Variants in EPHA6 observed in about 807,000 individuals in gnomAD.
EPHA6 encodes the protein EPH receptor A6.
EPHA6 carries 50 observed loss-of-function variants against 112.0 expected under a neutral mutation model. The observed-to-expected ratio is 0.45, with a 90% CI of 0.36 to 0.56. The LOEUF (loss-of-function observed/expected upper bound fraction) is 0.56, where lower values mean the gene tolerates loss of function less well. Among genes scored for constraint, EPHA6 ranks in the 20% least tolerant of loss-of-function variants. The pLI is 0.00. For missense variants in EPHA6, 1,280 were observed against 1,417.4 expected, an observed-to-expected ratio of 0.90 and a Z score of 1.56; for synonymous variants, 529 against 490.7, an observed-to-expected ratio of 1.08 and a Z score of -1.03.
intron 14 of EPHA6, among the ~76,000 whole-genome samples, chr3:97,667,382 C>T (rs1015350830): frequency 4.6e-5 from 7 of 152,144 alleles, no homozygotes; most frequent in Non-Finnish European, 7.4e-5. Context: ...GATTCTTAAA[C>T]ATTTACAGTG....
At chr3:97,048,992 C>T (rs775999426) in intron 3 of EPHA6, among the ~76,000 whole-genome samples, 8 of 152,088 alleles carry the variant, frequency 5.3e-5, no homozygotes, top group Admixed American at 5.2e-4. Flanking sequence ...AGGGAGTCCC[C>T]TGGGATATTT....
chr3:96,862,763 G>A (rs2036081773), intron 1 of EPHA6, among the ~76,000 whole-genome samples: 1 of 151,752 alleles, frequency 6.6e-6, no homozygotes, highest in Admixed American at 6.6e-5. Context: ...AATATTTAAA[G>A]GCAAGAAGTT....
At chr3:97,679,322 T>G (rs2031668480) in intron 14 of EPHA6, among the ~76,000 whole-genome samples, 1 of 152,122 alleles carries the variant, frequency 6.6e-6, no homozygotes, top group Non-Finnish European at 1.5e-5. Flanking sequence ...CCACACACAG[T>G]CAGGTAGTTT....
At chr3:97,182,427 A>T (rs2077015096) in intron 3 of EPHA6, among the ~76,000 whole-genome samples, 1 of 151,460 alleles carries the variant, frequency 6.6e-6, no homozygotes, top group African/African-American at 2.4e-5. Context: ...GTATTGAAAA[A>T]TTTAAGAAAT....
At chr3:97,448,768 T>A (rs762472622) in intron 7 of EPHA6, 38 bp downstream of exon 7, 12 of 1,600,312 alleles carry the variant, frequency 7.5e-6, no homozygotes, top group African/African-American at 4.0e-5. Context: ...AGATGTGAAT[T>A]TAGTATCATT....
At chr3:97,114,359 C>A (rs924028677) in intron 3 of EPHA6, among the ~76,000 whole-genome samples, 1 of 152,020 alleles carries the variant, frequency 6.6e-6, no homozygotes, top group Non-Finnish European at 1.5e-5. Flanking sequence ...ATTTCACCAG[C>A]AAATATGGCT....
intron 3 of EPHA6, among the ~76,000 whole-genome samples, chr3:97,135,361 C>T (rs1355332031): frequency 6.6e-6 from 1 of 152,110 alleles, no homozygotes; most frequent in Non-Finnish European, 1.5e-5. Context: ...TGTATTTAAA[C>T]ATAGCTCCTG....
chr3:97,648,629 G>A (rs1310185215), intron 14 of EPHA6: 1 of 1,114,320 alleles, frequency 9.0e-7, no homozygotes, highest in Non-Finnish European at 1.1e-6. Context: ...TTCGTCTGGA[G>A]ATCATGCTTA....
Position 97,760,336 on chromosome 3 carries a change from A to G in EPHA6, c.*11635A>G. On this transcript the variant is annotated 3_prime_UTR_variant, in exon 18 of 18. Transcript: ENST00000389672. Reference sequence around the variant, plus strand: ...TGTGCTTGGTGCTTTGTTTCTGGAGATATATATATATATATTATATATATG... The same window carrying G: ...TGTGCTTGGTGCTTTGTTTCTGGAGGTATATATATATATATTATATATATG... 1 of 147,550 alleles carries G rather than the reference A, an allele frequency of 6.8e-6. No individual in the cohort carries two copies. Among genetic ancestry groups the G allele is most frequent in the East Asian group, 1.5e-4 (1 of 6,460 alleles). The allele number at this position is 147,550 out of a possible 1,614,324, so 9.1% of individuals were successfully genotyped here. A position where few individuals can be genotyped will look rare whatever the true frequency, so the allele number is the denominator to read the frequency against.
At chr3:96,820,720 A>G (rs1344179211) in intron 1 of EPHA6, among the ~76,000 whole-genome samples, 1 of 151,964 alleles carries the variant, frequency 6.6e-6, no homozygotes, top group Non-Finnish European at 1.5e-5. Flanking sequence ...GTTATTTCAA[A>G]CCATTGTACA....
intron 13 of EPHA6, among the ~76,000 whole-genome samples, chr3:97,624,952 T>TCTAGATA (rs1325570087): frequency 6.6e-6 from 1 of 151,566 alleles, no homozygotes; most frequent in East Asian, 1.9e-4. Flanking sequence ...TCTTGGTCAA[T>TCTAGATA]CTAGATAAAA....
intron 3 of EPHA6, among the ~76,000 whole-genome samples, chr3:97,181,680 A>G (rs1280204760): frequency 2.6e-5 from 4 of 152,110 alleles, no homozygotes; most frequent in Non-Finnish European, 5.9e-5. Context: ...GTTATCTAAA[A>G]TAGCTTATTT....
chr3:96,991,210 TAGAGATA>T (rs2043203814), intron 3 of EPHA6, among the ~76,000 whole-genome samples: 1 of 152,134 alleles, frequency 6.6e-6, no homozygotes, highest in African/African-American at 2.4e-5. Context: ...TCTTAAGTGG[TAGAGATA>T]AACATAAATA....
At chr3:97,688,254 G>T (rs2032396862) in intron 14 of EPHA6, among the ~76,000 whole-genome samples, 1 of 151,852 alleles carries the variant, frequency 6.6e-6, no homozygotes. Context: ...TCTGTTATTT[G>T]GTATGTAATT....
At chr3:97,128,482 C>T (rs1423226305) in intron 3 of EPHA6, among the ~76,000 whole-genome samples, 6 of 152,076 alleles carry the variant, frequency 3.9e-5, no homozygotes, top group Non-Finnish European at 8.8e-5. Flanking sequence ...TAGAAGCATT[C>T]TAAACTCTAG....
intron 1 of EPHA6, among the ~76,000 whole-genome samples, chr3:96,844,355 A>G (rs1391272629): frequency 6.6e-6 from 1 of 151,736 alleles, no homozygotes; most frequent in Non-Finnish European, 1.5e-5. Flanking sequence ...CCCCTGACTG[A>G]CTCTGTGACA....
chr3:96,911,461 A>G (rs1167928738), intron 2 of EPHA6, among the ~76,000 whole-genome samples: 1 of 152,078 alleles, frequency 6.6e-6, no homozygotes, highest in Non-Finnish European at 1.5e-5. Context: ...ATAGTAAAAT[A>G]TGAAAAATGC....
intron 3 of EPHA6, among the ~76,000 whole-genome samples, chr3:96,994,919 T>A (rs933529289): frequency 6.6e-6 from 1 of 151,852 alleles, no homozygotes; most frequent in African/African-American, 2.4e-5. Flanking sequence ...TATTTGTCTA[T>A]GAAAATTAAA....
chr3:97,104,748 T>C (rs1382110801), intron 3 of EPHA6, among the ~76,000 whole-genome samples: 1 of 152,152 alleles, frequency 6.6e-6, no homozygotes, highest in Non-Finnish European at 1.5e-5. Flanking sequence ...TCAGGTAGAA[T>C]CCAGCTGTGA....
Sources: gnomAD v4.1 joint callset for allele counts (sites outside exome capture counted in the v4.1 genomes callset) on GRCh38, gnomAD v4.1.1 for gene constraint, MANE v1.5 for transcripts, NCBI Gene and HGNC (gene_info 2026-07-23, HGNC 2026-07-21) for gene names.